SV2C: variants seen among roughly 807,000 people sequenced by gnomAD.
SV2C encodes synaptic vesicle glycoprotein 2C.
A neutral mutation model predicts 79.7 loss-of-function variants in SV2C; 49 were observed. The observed-to-expected ratio is 0.61, with a 90% CI of 0.49 to 0.78. The LOEUF is 0.78. Among genes scored for constraint, SV2C ranks in the 30% least tolerant of loss-of-function variants. The probability of loss-of-function intolerance (pLI) is 0.00; values close to 1 mark genes in which losing one functional copy is unlikely to be tolerated. For synonymous variants in SV2C, 334 were observed against 333.2 expected, an observed-to-expected ratio of 1.00 and a Z score of -0.03; for missense variants, 833 against 912.9, an observed-to-expected ratio of 0.91 and a Z score of 1.13.
intron 2 of SV2C, among the ~76,000 whole-genome samples, chr5:76,189,362 G>T (rs1025066555): frequency 1.3e-5 from 2 of 151,970 alleles, no homozygotes; most frequent in Non-Finnish European, 2.9e-5. Flanking sequence ...ACCTTAAGAG[G>T]ATATCATTTT....
At chr5:76,340,781 A>C (rs899577895) in intron 12 of SV2C, among the ~76,000 whole-genome samples, 1 of 152,240 alleles carries the variant, frequency 6.6e-6, no homozygotes, top group South Asian at 2.1e-4. Flanking sequence ...AAAATTTTTT[A>C]TTATTTTTCA....
intron 12 of SV2C, among the ~76,000 whole-genome samples, chr5:76,350,100 C>T (rs1749619444): frequency 6.6e-6 from 1 of 152,112 alleles, no homozygotes; most frequent in African/African-American, 2.4e-5. Flanking sequence ...ATTTTGTGCA[C>T]TGTATGTTTA....
the SV2C span, among the ~76,000 whole-genome samples, chr5:75,933,746 CCTTT>C: frequency 6.6e-6 from 1 of 152,172 alleles, no homozygotes; most frequent in Non-Finnish European, 1.5e-5. Context: ...CTTAATTACC[CCTTT>C]CTTCTATAGC....
At chr5:76,014,105 A>T in the SV2C span, among the ~76,000 whole-genome samples, 1 of 151,276 alleles carries the variant, frequency 6.6e-6, no homozygotes, top group South Asian at 2.1e-4. Flanking sequence ...AAAGAAAGAG[A>T]GGATGAAAGA....
chr5:76,117,548 T>A (rs933758582), intron 1 of SV2C, among the ~76,000 whole-genome samples: 10 of 152,136 alleles, frequency 6.6e-5, no homozygotes, highest in African/African-American at 2.4e-4. Context: ...GGAGGATACA[T>A]GCACTGAGAT....
chr5:76,013,123 A>ATTTTTCTAG, the SV2C span, among the ~76,000 whole-genome samples: 1 of 151,846 alleles, frequency 6.6e-6, no homozygotes, highest in Non-Finnish European at 1.5e-5. Context: ...TGTAACGTAG[A>ATTTTTCTAG]TTTTTCTAGT....
At chr5:75,942,115 G>A in the SV2C span, among the ~76,000 whole-genome samples, 1 of 152,332 alleles carries the variant, frequency 6.6e-6, no homozygotes, top group East Asian at 1.9e-4. Flanking sequence ...AGGTTTGCAG[G>A]AGGGTGAACA....
the SV2C span, among the ~76,000 whole-genome samples, chr5:75,942,245 A>G: frequency 6.6e-6 from 1 of 152,188 alleles, no homozygotes; most frequent in Non-Finnish European, 1.5e-5. Context: ...TGTATTCTTT[A>G]AAATATCCTT....
At chr5:76,050,576 C>T in the SV2C span, among the ~76,000 whole-genome samples, 3 of 151,926 alleles carry the variant, frequency 2.0e-5, no homozygotes, top group Non-Finnish European at 4.4e-5. Flanking sequence ...CTTGATCTCT[C>T]TCTCTCTCTC....
the SV2C span, among the ~76,000 whole-genome samples, chr5:76,049,151 C>T: frequency 6.6e-6 from 1 of 151,834 alleles, no homozygotes; most frequent in Non-Finnish European, 1.5e-5. Context: ...TCCTGGCTAA[C>T]ATGATGAAAC....
chr5:76,261,606 A>G (rs1348361274), intron 4 of SV2C, among the ~76,000 whole-genome samples: 1 of 152,174 alleles, frequency 6.6e-6, no homozygotes, highest in Non-Finnish European at 1.5e-5. Flanking sequence ...TATTATTTTG[A>G]GGTATGTTCC....
At chr5:75,946,906 T>C in the SV2C span, among the ~76,000 whole-genome samples, 1 of 152,172 alleles carries the variant, frequency 6.6e-6, no homozygotes. Context: ...AAATTTACTG[T>C]ATGCCAGATA....
At chr5:76,216,881 G>C (rs1561268225) in intron 4 of SV2C, among the ~76,000 whole-genome samples, 1 of 152,152 alleles carries the variant, frequency 6.6e-6, no homozygotes, top group Admixed American at 6.5e-5. Flanking sequence ...CTTTCATTAG[G>C]CCCAGGCTTT....
chr5:76,237,027 G>A (rs1224558484), intron 4 of SV2C, among the ~76,000 whole-genome samples: 1 of 152,206 alleles, frequency 6.6e-6, no homozygotes, highest in African/African-American at 2.4e-5. Context: ...GAAGGTGCCT[G>A]CTTCTCCTTT....
chr5:75,996,759 G>T, the SV2C span, among the ~76,000 whole-genome samples: 3 of 151,570 alleles, frequency 2.0e-5, 1 homozygote, highest in South Asian at 6.2e-4. Context: ...GTGAATGGGA[G>T]TTCGCTCATG....
At chr5:75,984,613 A>T in the SV2C span, among the ~76,000 whole-genome samples, 1 of 141,984 alleles carries the variant, frequency 7.0e-6, no homozygotes, top group African/African-American at 2.5e-5. Flanking sequence ...CTATCTATCT[A>T]TCTATCTATC....
intron 3 of SV2C, among the ~76,000 whole-genome samples, chr5:76,198,585 A>C (rs1744341823): frequency 6.6e-6 from 1 of 152,156 alleles, no homozygotes; most frequent in Non-Finnish European, 1.5e-5. Context: ...GGACTAAGAC[A>C]CCAGCTGTCT....
intron 4 of SV2C, among the ~76,000 whole-genome samples, chr5:76,219,422 A>G (rs1745002998): frequency 6.6e-6 from 1 of 152,226 alleles, no homozygotes; most frequent in South Asian, 2.1e-4. Context: ...TTGATGATAT[A>G]GTCTTTAAGG....
At chr5:76,106,189 CCT>C (rs1384129421) in intron 1 of SV2C, among the ~76,000 whole-genome samples, 3 of 152,134 alleles carry the variant, frequency 2.0e-5, no homozygotes, top group African/African-American at 7.2e-5. Context: ...CCTTTCCCTT[CCT>C]CTCTTCCTCT....
Sources: allele counts gnomAD v4.1 joint callset (sites outside exome capture counted in the v4.1 genomes callset), GRCh38; gene constraint gnomAD v4.1.1; transcripts MANE v1.5; gene names NCBI Gene and HGNC (gene_info 2026-07-23, HGNC 2026-07-21).